The following FAM186A variants were observed in gnomAD, a reference collection of about 807,000 sequenced individuals.
FAM186A encodes the protein protein FAM186A.
A neutral mutation model predicts 216.8 loss-of-function variants in FAM186A; 163 were observed. That is an observed-to-expected ratio of 0.75 (90% CI 0.66 to 0.86). The LOEUF is 0.86. Ranked by LOEUF, FAM186A falls within the 40% of genes least tolerant of loss-of-function variation. FAM186A has a pLI of 0.00. For missense variants in FAM186A, 2,184 were observed against 2,746.2 expected (o/e 0.80, Z 4.58); for synonymous variants, 805 against 1,025.3 (o/e 0.79, Z 4.10).
chr12:50,355,200 C>T lies in FAM186A; in HGVS notation c.1632G>A (p.Leu544=), dbSNP rs766688830. Residue 544 remains leucine (L), a synonymous_variant, in exon 4 of 8, where the codon TTG becomes TTA. Coordinates refer to ENST00000327337, the MANE Select transcript of FAM186A (RefSeq NM_001145475.3). ...CACGTTTGACCTTCCTAAATTGCTC[C>T]AACATCATCATACTTGTTCCACTTT... ...GGKSGTSMMM[L]EQFRKVKRES... is the part of the protein sequence containing the mutation. The T allele has an allele frequency of 6.4e-7, 1 of 1,551,646 alleles. No individual in the cohort carries two copies. Among genetic ancestry groups the T allele is most frequent in the South Asian group, 1.2e-5 (1 of 84,056 alleles).
chr12:50,333,850 A>G, intron 5 of FAM186A, 61 bp downstream of exon 5: 1 of 1,444,990 alleles, frequency 6.9e-7, no homozygotes, highest in Non-Finnish European at 9.3e-7. Flanking sequence ...TGTCATTTAC[A>G]AAGCTTACCA....
intron 1 of FAM186A, among the ~76,000 whole-genome samples, chr12:50,370,882 A>G (rs1330174496): frequency 6.6e-6 from 1 of 151,966 alleles, no homozygotes; most frequent in Admixed American, 6.6e-5. Flanking sequence ...AGGTCACTTG[A>G]GGTCAGGGGT....
intron 1 of FAM186A, among the ~76,000 whole-genome samples, chr12:50,382,296 A>C (rs1191314207): frequency 2.0e-5 from 3 of 151,270 alleles, no homozygotes; most frequent in Non-Finnish European, 4.4e-5. Context: ...GCTTAGAGAT[A>C]CGAGTAGGCT....
chr12:50,350,555 G>T lies in FAM186A; in HGVS notation c.6277C>A (p.Pro2093Thr). 6.4e-7 allele frequency: 1 copy of T among 1,551,602 alleles called. No homozygotes were observed. The highest frequency in any genetic ancestry group is 8.7e-7 in the Non-Finnish European group (1 of 1,146,970). ...TCAAGTTCTTGAGGAGAGGAAGGGG[G>T]CACCATTACTTTGGGTTTCTTGGTA... ...SDTKKPKVMV[P>T]PSSPQELEEK... Residue 2093 changes from proline to threonine, a missense_variant, in exon 4 of 8, where the codon CCC (proline) becomes ACC (threonine). Physicochemically the swap from Pro to Thr is conservative, Grantham distance 38. Around this residue, in one of 7 missense-constraint regions of FAM186A, gnomAD observed 721 missense variants for 816.4 expected, o/e 0.88. Transcript: ENST00000327337.
chr12:50,392,137 G>A (rs577678190), intron 1 of FAM186A, among the ~76,000 whole-genome samples: 1 of 148,462 alleles, frequency 6.7e-6, no homozygotes, highest in Admixed American at 6.8e-5. Context: ...TGGTTAGCTG[G>A]GGATTGGGGG....
At chr12:50,365,139 A>G (rs550112804) in intron 1 of FAM186A, among the ~76,000 whole-genome samples, 1 of 152,270 alleles carries the variant, frequency 6.6e-6, no homozygotes, top group Admixed American at 6.5e-5. Flanking sequence ...CAATAAAAAA[A>G]TGTTCTTTAA....
intron 1 of FAM186A, among the ~76,000 whole-genome samples, chr12:50,372,383 G>A (rs528155900): frequency 6.7e-6 from 1 of 148,648 alleles, no homozygotes; most frequent in African/African-American, 2.5e-5. Context: ...CATGAGGTCA[G>A]GCGTTCAAGA....
intron 4 of FAM186A, among the ~76,000 whole-genome samples, chr12:50,347,698 C>T (rs1030818757): frequency 4.0e-5 from 6 of 151,644 alleles, no homozygotes; most frequent in African/African-American, 9.7e-5. Context: ...AAAAATTCCC[C>T]GAAATAATAG....
intron 1 of FAM186A, among the ~76,000 whole-genome samples, chr12:50,363,923 A>G (rs932105648): frequency 6.6e-6 from 1 of 152,242 alleles, no homozygotes; most frequent in African/African-American, 2.4e-5. Context: ...TTAGCTTAGT[A>G]CATTGAGTAT....
At chr12:50,336,201 G>C (rs1443667332) in intron 4 of FAM186A, among the ~76,000 whole-genome samples, 2 of 151,412 alleles carry the variant, frequency 1.3e-5, no homozygotes, top group Non-Finnish European at 2.9e-5. Context: ...GTCATAAAAA[G>C]ATTCTCCCTT....
intron 3 of FAM186A, among the ~76,000 whole-genome samples, chr12:50,360,500 C>A (rs1943022260): frequency 6.6e-6 from 1 of 151,164 alleles, no homozygotes; most frequent in East Asian, 2.0e-4. Flanking sequence ...GCCTGGCCAA[C>A]ATGGTGAAAC....
intron 4 of FAM186A, among the ~76,000 whole-genome samples, chr12:50,337,546 A>G (rs1355610662): frequency 6.9e-6 from 1 of 145,814 alleles, no homozygotes; most frequent in Non-Finnish European, 1.5e-5. Flanking sequence ...TGATCCGCCC[A>G]CCTCGGTTCC....
At position 50,355,353 on chromosome 12, in the gene FAM186A, G is replaced by A; in HGVS notation, c.1479C>T (p.Tyr493=). The change falls in exon 4 of 8, where the codon TAC becomes TAT. Residue 493 remains tyrosine, a synonymous_variant. Transcript: ENST00000327337. ...TCTTTTTCAGTACTTGTAGCTCATAGTATTGACTAGGTTTGGCCTCTGAGA... is the reference window on the plus strand; with the variant it reads ...TCTTTTTCAGTACTTGTAGCTCATAATATTGACTAGGTTTGGCCTCTGAGA... The part of the protein sequence containing the change: ...QKVSEAKPSQ[Y]YELQVLKKKR... 6.4e-7 allele frequency: 1 copy of A among 1,551,252 alleles called. No individual in the cohort carries two copies. The highest frequency in any genetic ancestry group is 8.7e-7 in the Non-Finnish European group (1 of 1,146,948).
rs1309850333 is a variant in FAM186A at position 50,355,177 on chromosome 12, C to T, written c.1655G>A (p.Arg552His). 22 of 1,551,566 alleles carry T rather than the reference C, an allele frequency of 1.4e-5. No individual in the cohort carries two copies. Among genetic ancestry groups the T allele is most frequent in the East Asian group, 7.3e-5 (3 of 40,932 alleles). The change falls in exon 4 of 8, where the codon CGT becomes CAT. Residue 552 changes from arginine to histidine, a missense_variant. By Grantham distance (29) the Arg-to-His change is conservative. Transcript: ENST00000327337. The stretch of plus-strand genomic sequence containing the variant: ...TGGACGTTTGTCAAATGGAGATTCA[C>T]GTTTGACCTTCCTAAATTGCTCCAA... The part of the protein sequence containing the change: ...MMLEQFRKVK[R>H]ESPFDKRPTA...
In FAM186A at chr12:50,351,336, G is replaced by T. The variant is rs1391068512; in HGVS notation, c.5496C>A (p.Pro1832=). 14 of 1,497,400 alleles carry T rather than the reference G, an allele frequency of 9.3e-6. No homozygotes were observed. The South Asian group carries it at 1.9e-4, about 20-fold the overall frequency. 92.8% of individuals were successfully genotyped at this position (1,497,400 alleles called of 1,614,324 possible). ...CAGCTATAAAGGGCTGCCCTGGAGT[G>T]GGAGGGGCCCGAGATATTGGGAGCT... The part of the protein sequence containing the change: ...PGQLPISRAP[P]TPGQPFIAGV... Residue 1832 remains proline (P), a synonymous_variant, in exon 4 of 8, where the codon CCC becomes CCA. Coordinates refer to ENST00000327337, the MANE Select transcript of FAM186A (RefSeq NM_001145475.3).
rs895403527 is a variant in FAM186A, at chr12:50,393,201, G to A, written c.192+3092C>T. Among the ~76,000 whole-genome samples, 8 of 151,980 alleles carry A rather than the reference G, an allele frequency of 5.3e-5. No homozygotes were observed. In the East Asian group the frequency reaches 1.2e-3, roughly 22 times the overall value. ...TCGCCTCCAAAGTGCTGGGATTACAGGTATGAGCCACCGCTCCCGGCTCGA... is the reference window on the plus strand; with the variant it reads ...TCGCCTCCAAAGTGCTGGGATTACAAGTATGAGCCACCGCTCCCGGCTCGA... On this transcript the variant is annotated intron_variant, in intron 1 of 7. Transcript: ENST00000327337.
chr12:50,334,422 G>A (rs925387390), intron 4 of FAM186A, among the ~76,000 whole-genome samples: 3 of 151,112 alleles, frequency 2.0e-5, no homozygotes, highest in Non-Finnish European at 2.9e-5. Context: ...CACTTTCCTT[G>A]TCCTCCCAAA....
chr12:50,347,656 G>A (rs967955727), intron 4 of FAM186A, among the ~76,000 whole-genome samples: 13 of 146,508 alleles, frequency 8.9e-5, no homozygotes, highest in African/African-American at 3.0e-4. Context: ...AACCCAGGAG[G>A]CAAAAGAGGG....
intron 1 of FAM186A, among the ~76,000 whole-genome samples, chr12:50,373,852 G>A (rs12318245): frequency 0.012 from 1,753 of 151,894 alleles, 43 homozygotes; most frequent in African/African-American, 0.041. Context: ...ACATGCACAC[G>A]TATGTTTATT....
Sources: allele counts gnomAD v4.1 joint callset (sites outside exome capture counted in the v4.1 genomes callset), GRCh38; gene constraint gnomAD v4.1.1; regional missense constraint gnomAD v4.1.1; transcripts MANE v1.5; gene names NCBI Gene and HGNC (gene_info 2026-07-23, HGNC 2026-07-21).